ESRRB: variants seen among roughly 807,000 people sequenced by gnomAD.
The protein encoded by ESRRB is estrogen related receptor beta.
In ESRRB, 16 loss-of-function variants were observed where a neutral mutation model predicts 46.0. That is an observed-to-expected ratio of 0.35 (90% CI 0.24 to 0.53). ESRRB has a LOEUF of 0.53. Among genes scored for constraint, ESRRB ranks in the 20% least tolerant of loss-of-function variants. The pLI is 0.93. For missense variants in ESRRB, 488 were observed against 607.4 expected (o/e 0.80, Z 2.07); for synonymous variants, 246 against 259.6 (o/e 0.95, Z 0.50).
chr14:76,318,189 TACGTGTCTGGAGAG>T (rs1883824180), intron 1 of ESRRB, among the ~76,000 whole-genome samples: 1 of 152,188 alleles, frequency 6.6e-6, no homozygotes, highest in Non-Finnish European at 1.5e-5. Flanking sequence ...CCTAGGCTTG[TACGTGTCTGGAGAG>T]GCCCAACACC....
chr14:76,427,712 C>T lies in ESRRB; in HGVS notation c.51-11629C>T, dbSNP rs575481021. On this transcript the variant is annotated intron_variant, in intron 1 of 6. Coordinates refer to ENST00000644823, the MANE Select transcript of ESRRB (RefSeq NM_001379180.1). ...AACTCTTAATATTTATTAAGTACTT[C>T]CTGTATGCCAGGCATTGTTCTAAGC... Among the ~76,000 whole-genome samples the T allele has an allele frequency of 3.9e-5, 6 of 152,302 alleles. No homozygotes were observed. The South Asian group carries it at 1.2e-3, about 32-fold the overall frequency.
rs542222128 is a variant in ESRRB at position 76,361,251 on chromosome 14, T to C, written c.2+50335T>C. 2.0e-5 allele frequency among the ~76,000 whole-genome samples: 3 copies of C among 152,318 alleles called. No homozygotes were observed. The South Asian group carries it at 6.2e-4, about 32-fold the overall frequency. ...TCTACGACTCATGTGCTTATCCACC[T>C]GGACTGTTGATGCCATTCAAGGTGG... is the stretch of plus-strand genomic sequence containing the variant. On this transcript the variant is annotated intron_variant, in intron 1 of 6. Coordinates refer to the ESRRB transcript ENST00000512784.
chr14:76,462,798 C>G (rs1327249290), intron 3 of ESRRB, 137 bp downstream of exon 3: 3 of 759,006 alleles, frequency 4.0e-6, no homozygotes, highest in Non-Finnish European at 4.8e-6. Context: ...TCCTCCCACA[C>G]CCTGCCAGCC....
rs772555506 is a variant in ESRRB at position 76,498,848 on chromosome 14, T to C, written c.*390T>C. On this transcript the variant is annotated 3_prime_UTR_variant, in exon 7 of 7. Coordinates refer to ENST00000644823, the MANE Select transcript of ESRRB (RefSeq NM_001379180.1). The stretch of plus-strand genomic sequence containing the variant: ...TAACTCCCTTGCCCCCTCCCCCATC[T>C]GTGGCCTGGGTGGGCACTGCTCAGG... The C allele has an allele frequency of 7.3e-6, 4 of 547,304 alleles. No individual in the cohort carries two copies. The highest frequency in any genetic ancestry group is 1.4e-5 in the South Asian group (1 of 71,642). 33.9% of individuals were successfully genotyped at this position (547,304 alleles called of 1,614,324 possible).
chr14:76,453,723 C>A (rs1888492217), intron 2 of ESRRB, among the ~76,000 whole-genome samples: 1 of 151,830 alleles, frequency 6.6e-6, no homozygotes, highest in Non-Finnish European at 1.5e-5. Context: ...GATCCTCCCA[C>A]CTTGAGCCTC....
chr14:76,423,166 G>A (rs1398726198), intron 1 of ESRRB, among the ~76,000 whole-genome samples: 1 of 117,732 alleles, frequency 8.5e-6, no homozygotes, highest in Non-Finnish European at 1.7e-5. Context: ...TTTTTTTTGA[G>A]AGAGTCTCAC....
chr14:76,491,785 T>C (rs1890243973), intron 6 of ESRRB, 69 bp downstream of exon 6: 1 of 1,468,636 alleles, frequency 6.8e-7, no homozygotes, highest in Non-Finnish European at 9.1e-7. Context: ...AGCCCATCCC[T>C]GGGGCCTGTG....
intron 2 of ESRRB, among the ~76,000 whole-genome samples, chr14:76,447,383 C>A (rs1888198462): frequency 1.3e-5 from 2 of 151,878 alleles, no homozygotes; most frequent in African/African-American, 2.4e-5. Context: ...CCTGGTTCTT[C>A]CTCTCTTCCT....
At chr14:76,434,188 G>T (rs1467304920) in intron 1 of ESRRB, among the ~76,000 whole-genome samples, 1 of 152,112 alleles carries the variant, frequency 6.6e-6, no homozygotes, top group Non-Finnish European at 1.5e-5. Context: ...TGAGGTCCTG[G>T]GGGATAAGGA....
intron 6 of ESRRB, among the ~76,000 whole-genome samples, chr14:76,497,460 T>TTACAGATGTAACGTG (rs1890477071): frequency 6.6e-6 from 1 of 152,130 alleles, no homozygotes; most frequent in Admixed American, 6.6e-5. Context: ...CGTCAGCAGG[T>TTACAGATGTAACGTG]GCCTCCCTGC....
At position 76,310,958 on chromosome 14, in the gene ESRRB, C is replaced by T. The variant is rs761116338; in HGVS notation, c.2+42C>T. The T allele has an allele frequency of 6.7e-5, 30 of 447,578 alleles. No individual in the cohort carries two copies. In the East Asian group the frequency reaches 8.6e-4, roughly 13 times the overall value. The allele number at this position is 447,578 out of a possible 1,614,324, so 27.7% of individuals were successfully genotyped here. A position where few individuals can be genotyped will look rare whatever the true frequency, so the allele number is the denominator to read the frequency against. ...CTCCCTTTCTCCTCCCCAGACTCTG[C>T]GGGTCCTTTTCTGTCCCCTTTCTCT... On this transcript the variant is annotated intron_variant, in intron 1 of 6. Transcript: ENST00000512784.
At chr14:76,343,595 C>G (rs1884215977) in intron 1 of ESRRB, among the ~76,000 whole-genome samples, 1 of 152,220 alleles carries the variant, frequency 6.6e-6, no homozygotes, top group African/African-American at 2.4e-5. Flanking sequence ...ACTGGGAGCT[C>G]AGTCGAGGGG....
At chr14:76,464,763 T>G (rs1889036414) in intron 3 of ESRRB, among the ~76,000 whole-genome samples, 1 of 152,186 alleles carries the variant, frequency 6.6e-6, no homozygotes, top group Non-Finnish European at 1.5e-5. Flanking sequence ...AACTAGTGGC[T>G]GAACTGGGTC....
At chr14:76,427,151 C>T (rs533000422) in intron 1 of ESRRB, among the ~76,000 whole-genome samples, 1 of 152,172 alleles carries the variant, frequency 6.6e-6, no homozygotes, top group Non-Finnish European at 1.5e-5. Context: ...GAAGAATGAC[C>T]TTGCTCAGCT....
intron 1 of ESRRB, among the ~76,000 whole-genome samples, chr14:76,393,948 G>A (rs1885567462): frequency 6.7e-6 from 1 of 149,852 alleles, no homozygotes. Flanking sequence ...TTACAGGCAT[G>A]CACCAACATG....
intron 1 of ESRRB, among the ~76,000 whole-genome samples, chr14:76,416,295 C>T (rs1595095764): frequency 6.6e-6 from 1 of 152,000 alleles, no homozygotes; most frequent in South Asian, 2.1e-4. Context: ...ACCACCACAC[C>T]CAGCTAATTT....
chr14:76,475,170 G>A (rs1337493145), intron 3 of ESRRB, among the ~76,000 whole-genome samples: 1 of 152,036 alleles, frequency 6.6e-6, no homozygotes, highest in Non-Finnish European at 1.5e-5. Flanking sequence ...GGAGGTCAAG[G>A]ATGCAGAGAG....
chr14:76,350,284 G>A (rs984190920), intron 1 of ESRRB, among the ~76,000 whole-genome samples: 2 of 152,202 alleles, frequency 1.3e-5, no homozygotes, highest in African/African-American at 2.4e-5. Context: ...TGGGTAGGGC[G>A]GACCATGTGC....
At chr14:76,327,829 G>A (rs1020616713) in intron 1 of ESRRB, among the ~76,000 whole-genome samples, 4 of 151,902 alleles carry the variant, frequency 2.6e-5, no homozygotes, top group Non-Finnish European at 4.4e-5. Flanking sequence ...TCAGCCTCCC[G>A]AGTAACTGGG....
Sources: allele counts gnomAD v4.1 joint callset (sites outside exome capture counted in the v4.1 genomes callset), GRCh38; gene constraint gnomAD v4.1.1; transcripts MANE v1.5; gene names NCBI Gene and HGNC (gene_info 2026-07-23, HGNC 2026-07-21).